UBE2D3: variants seen among roughly 807,000 people sequenced by gnomAD.
UBE2D3 encodes the protein ubiquitin-conjugating enzyme E2 D3.
In UBE2D3, 2 loss-of-function variants were observed where a neutral mutation model predicts 22.8. The observed-to-expected ratio is 0.09, with a 90% CI of 0.04 to 0.28. The LOEUF (loss-of-function observed/expected upper bound fraction) is 0.28, where lower values mean the gene tolerates loss of function less well. Ranked by LOEUF, UBE2D3 falls within the 10% of genes least tolerant of loss-of-function variation. The pLI, the probability that UBE2D3 is intolerant of heterozygous loss-of-function variation, is 1.00. For missense variants in UBE2D3, 27 were observed against 182.5 expected, an observed-to-expected ratio of 0.15 and a Z score of 4.91; for synonymous variants, 56 against 60.4, an observed-to-expected ratio of 0.93 and a Z score of 0.34.
chr4:102,838,807 CAAAAA>C lies in UBE2D3; in HGVS notation c.-128-12176_-128-12172del, dbSNP rs145975514. On this transcript the variant is annotated intron_variant, in intron 1 of 7. Coordinates refer to the UBE2D3 transcript ENST00000338145. ...GGATGCTAAACAAAACTGTGCTGGG[CAAAAA>C]AAAAAAAAAAAAAAAAAAAGAGGAA... Among the ~76,000 whole-genome samples the C allele has an allele frequency of 1.8e-3, 98 of 54,320 alleles. 4 individuals are homozygous for C. In the South Asian group the frequency reaches 0.072, roughly 40 times the overall value. 35.6% of individuals were successfully genotyped at this position (54,320 alleles called of 152,430 possible).
chr4:102,864,810 G>A (rs1733070855), intron 1 of UBE2D3, among the ~76,000 whole-genome samples: 1 of 152,188 alleles, frequency 6.6e-6, no homozygotes, highest in South Asian at 2.1e-4. Context: ...AATTATGACA[G>A]TATGGTATTG....
At chr4:102,859,727 A>G (rs980981836) in intron 1 of UBE2D3, among the ~76,000 whole-genome samples, 1 of 151,814 alleles carries the variant, frequency 6.6e-6, no homozygotes, top group Non-Finnish European at 1.5e-5. Flanking sequence ...TTGACTGGAT[A>G]ATATCAAATG....
upstream of UBE2D3, chr4:102,827,607 G>C (rs1730791353): frequency 1.0e-6 from 1 of 986,946 alleles, no homozygotes; most frequent in Non-Finnish European, 1.2e-6. Flanking sequence ...CACCGCCGCG[G>C]ATCAGTCCGC....
At chr4:102,844,579 G>A (rs1348071653) in intron 1 of UBE2D3, among the ~76,000 whole-genome samples, 1 of 152,190 alleles carries the variant, frequency 6.6e-6, no homozygotes, top group African/African-American at 2.4e-5. Flanking sequence ...AATAGCCACA[G>A]TATGGGTCCT....
At chr4:102,857,300 C>T (rs1441854640) in intron 1 of UBE2D3, among the ~76,000 whole-genome samples, 1 of 152,168 alleles carries the variant, frequency 6.6e-6, no homozygotes, top group African/African-American at 2.4e-5. Context: ...GGTCACATAT[C>T]TGGTAGACTG....
At chr4:102,853,694 T>G (rs187907553) in intron 1 of UBE2D3, among the ~76,000 whole-genome samples, 40 of 152,242 alleles carry the variant, frequency 2.6e-4, no homozygotes, top group African/African-American at 5.8e-4. Context: ...GGTGGTGGTG[T>G]TATGAGAAAT....
At chr4:102,839,249 A>G (rs943605846) in intron 1 of UBE2D3, among the ~76,000 whole-genome samples, 1 of 147,382 alleles carries the variant, frequency 6.8e-6, no homozygotes, top group African/African-American at 2.7e-5. Flanking sequence ...AGAAAGAAAT[A>G]TATCATATGA....
At chr4:102,847,144 T>G (rs1249498418) in intron 1 of UBE2D3, among the ~76,000 whole-genome samples, 1 of 152,184 alleles carries the variant, frequency 6.6e-6, no homozygotes, top group Non-Finnish European at 1.5e-5. Context: ...TCCCCACCAA[T>G]GTTCCAGCAT....
chr4:102,809,829 A>T lies in UBE2D3; in HGVS notation c.51T>A (p.Pro17=). Residue 17 remains proline, a synonymous_variant, in exon 3 of 8, where the codon CCT becomes CCA. Coordinates refer to ENST00000453744, the MANE Select transcript of UBE2D3 (RefSeq NM_181891.3). ...NKELSDLARD[P]PAQCSAGPVG... is the part of the protein sequence containing the mutation. ...CTGGACCTGCAGAACATTGTGCTGG[A>T]GGGTCACGGGCCAAATCACTAAGTT... 1 of 1,613,904 alleles carries T rather than the reference A, an allele frequency of 6.2e-7. No homozygotes were observed. The highest frequency in any genetic ancestry group is 8.5e-7 in the Non-Finnish European group (1 of 1,179,996).
At chr4:102,851,673 T>G (rs906622810) in intron 1 of UBE2D3, among the ~76,000 whole-genome samples, 3 of 30,026 alleles carry the variant, frequency 1.0e-4, no homozygotes, top group East Asian at 1.7e-3. Flanking sequence ...TTGTTTTTTG[T>G]TTTTTTTTTT....
At chr4:102,862,190 A>G (rs1430927544) in intron 1 of UBE2D3, among the ~76,000 whole-genome samples, 3 of 151,970 alleles carry the variant, frequency 2.0e-5, no homozygotes, top group African/African-American at 2.4e-5. Context: ...CTTCCTCTTA[A>G]AACTGTGGGG....
chr4:102,835,631 T>C (rs1731352140), intron 1 of UBE2D3, among the ~76,000 whole-genome samples: 1 of 152,246 alleles, frequency 6.6e-6, no homozygotes, highest in Non-Finnish European at 1.5e-5. Context: ...AGAAAGGAAC[T>C]ATGTTGTCTA....
chr4:102,804,308 G>A (rs1726676292), intron 4 of UBE2D3, among the ~76,000 whole-genome samples: 1 of 151,986 alleles, frequency 6.6e-6, no homozygotes, highest in South Asian at 2.1e-4. Flanking sequence ...GATTACAGGT[G>A]TGCACCAACG....
intron 4 of UBE2D3, 95 bp from the exon 5 acceptor site, chr4:102,802,733 C>A: frequency 1.1e-6 from 1 of 913,298 alleles, no homozygotes; most frequent in Non-Finnish European, 1.6e-6. Context: ...ATAATGAACC[C>A]AAATCACCTA....
chr4:102,853,856 C>T (rs1470763368), intron 1 of UBE2D3, among the ~76,000 whole-genome samples: 3 of 152,128 alleles, frequency 2.0e-5, no homozygotes, highest in Non-Finnish European at 4.4e-5. Context: ...TTATGATCCT[C>T]ACTTTCATCA....
intron 2 of UBE2D3, among the ~76,000 whole-genome samples, chr4:102,814,607 G>A (rs1386789052): frequency 2.0e-5 from 3 of 151,780 alleles, no homozygotes; most frequent in Non-Finnish European, 4.4e-5. Context: ...CAGGCCTGCA[G>A]TCTTACTTTT....
At chr4:102,809,267 T>C (rs1311317247) in intron 4 of UBE2D3, 2 of 254,358 alleles carry the variant, frequency 7.9e-6, no homozygotes, top group Admixed American at 4.4e-5. Context: ...AATATCAAAA[T>C]ACAATTAAGC....
At position 102,800,045 on chromosome 4, in the gene UBE2D3, C is replaced by A. The variant is rs999863906; in HGVS notation, c.305-545G>T. ...ATACAATGCCAAAATCTCTTTAGTA[C>A]TAAGTGAGTCATCAGCTCTAGTTTT... On this transcript the variant is annotated intron_variant, in intron 6 of 7. Transcript: ENST00000453744. 1.1e-4 allele frequency among the ~76,000 whole-genome samples: 16 copies of A among 152,098 alleles called. 1 individual carries two copies. In the Middle Eastern group the frequency reaches 0.017, roughly 162 times the overall value.
intron 1 of UBE2D3, among the ~76,000 whole-genome samples, chr4:102,839,967 C>T (rs970873024): frequency 3.3e-5 from 5 of 152,080 alleles, no homozygotes; most frequent in Admixed American, 1.3e-4. Flanking sequence ...AGTGGTCAAG[C>T]GATGTGAATA....
Sources: gnomAD v4.1 joint callset for allele counts (sites outside exome capture counted in the v4.1 genomes callset) on GRCh38, gnomAD v4.1.1 for gene constraint, MANE v1.5 for transcripts, NCBI Gene and HGNC (gene_info 2026-07-23, HGNC 2026-07-21) for gene names.